The following ZSCAN5A variants were observed in gnomAD, a reference collection of about 807,000 sequenced individuals.
ZSCAN5A encodes the protein zinc finger and SCAN domain containing 5A, also known as zinc finger and SCAN domain-containing protein 5A.
Under a neutral mutation model 23.7 loss-of-function variants are expected in ZSCAN5A, and 12 were observed. The observed-to-expected ratio is 0.51, with a 90% CI of 0.32 to 0.82. The LOEUF (loss-of-function observed/expected upper bound fraction) is 0.82, where lower values mean the gene tolerates loss of function less well. Among genes scored for constraint, ZSCAN5A ranks in the 40% least tolerant of loss-of-function variants. The probability of loss-of-function intolerance (pLI) is 0.03; values close to 1 mark genes in which losing one functional copy is unlikely to be tolerated. For synonymous variants in ZSCAN5A, 257 were observed against 239.9 expected, an observed-to-expected ratio of 1.07 and a Z score of -0.66; for missense variants, 597 against 617.9, an observed-to-expected ratio of 0.97 and a Z score of 0.36.
chr19:56,351,823 T>A lies in ZSCAN5A; in HGVS notation c.-358+11412A>T, dbSNP rs77819594. ...GCTAAGATTGCACAGGTGCAGCGAA[T>A]ACGAACCTGGGAAGACTGTGGTGTT... On this transcript the variant is annotated intron_variant, in intron 2 of 6. Transcript: ENST00000587340. The surrounding 1 kb of genome is among the most constrained non-coding windows in gnomAD (Gnocchi z 4.8). 6.6e-5 allele frequency among the ~76,000 whole-genome samples: 10 copies of A among 152,306 alleles called. No individual in the cohort carries two copies. In the East Asian group the frequency reaches 1.9e-3, roughly 29 times the overall value.
intron 2 of ZSCAN5A, among the ~76,000 whole-genome samples, chr19:56,241,363 C>T (rs986956450): frequency 1.3e-5 from 2 of 152,160 alleles, no homozygotes; most frequent in African/African-American, 2.4e-5. Context: ...CAGCAGCAGG[C>T]GCCCTTGCAG....
At chr19:56,235,017 C>T (rs1040642410) in intron 2 of ZSCAN5A, among the ~76,000 whole-genome samples, 1 of 152,258 alleles carries the variant, frequency 6.6e-6, no homozygotes, top group Non-Finnish European at 1.5e-5. Flanking sequence ...CACATCCTCA[C>T]TCCTGTGATA....
chr19:56,268,859 C>T (rs573471892), intron 2 of ZSCAN5A, among the ~76,000 whole-genome samples: 58 of 152,286 alleles, frequency 3.8e-4, no homozygotes, highest in Non-Finnish European at 6.5e-4. Context: ...CTGGATATTA[C>T]GTATCAATGG....
intron 2 of ZSCAN5A, among the ~76,000 whole-genome samples, chr19:56,345,568 G>A (rs1474449972): frequency 6.6e-6 from 1 of 152,144 alleles, no homozygotes; most frequent in Non-Finnish European, 1.5e-5. Context: ...AGAGTCTGGT[G>A]TGCTAGAAGG....
chr19:56,301,675 T>A (rs956503254), intron 2 of ZSCAN5A, among the ~76,000 whole-genome samples: 2 of 152,134 alleles, frequency 1.3e-5, no homozygotes, highest in African/African-American at 4.8e-5. Flanking sequence ...TCACTCTGGT[T>A]CAAACCCCTC....
intron 1 of ZSCAN5A, among the ~76,000 whole-genome samples, chr19:56,314,055 G>A (rs940436532): frequency 2.0e-5 from 3 of 152,188 alleles, no homozygotes; most frequent in Non-Finnish European, 4.4e-5. Flanking sequence ...GGTGAGGTGA[G>A]GGAAGATCCT....
At position 56,326,773 on chromosome 19, in the gene ZSCAN5A, A is replaced by G. The variant is rs553916629; in HGVS notation, c.-357-10505T>C. Among the ~76,000 whole-genome samples the G allele has an allele frequency of 2.9e-3, 442 of 152,206 alleles. 5 individuals carry two copies. Among genetic ancestry groups the G allele is most frequent in the Non-Finnish European group, 5.1e-3 (345 of 68,010 alleles). On this transcript the variant is annotated intron_variant, in intron 2 of 6. Coordinates refer to the ZSCAN5A transcript ENST00000587340. ...AGTCTCCTCTGCTTTGATTTCCATC[A>G]TGGGCCCTAATATGCAACATATTGA... is the stretch of plus-strand genomic sequence containing the variant.
intron 2 of ZSCAN5A, among the ~76,000 whole-genome samples, chr19:56,277,838 T>C (rs185981745): frequency 1.2e-4 from 19 of 152,270 alleles, no homozygotes; most frequent in African/African-American, 4.6e-4. Context: ...ACTAAAATCC[T>C]AGACTTCACC....
At position 56,225,130 on chromosome 19, in the gene ZSCAN5A, C is replaced by A; in HGVS notation, c.-84G>T. 2 of 1,500,752 alleles carry A rather than the reference C, an allele frequency of 1.3e-6. No individual in the cohort carries two copies. Among genetic ancestry groups the A allele is most frequent in the Non-Finnish European group, 1.8e-6 (2 of 1,133,900 alleles). The allele number at this position is 1,500,752 out of a possible 1,614,324, so 93.0% of individuals were successfully genotyped here. ...AATTGATACCTATCTACACAGGCTT[C>A]CTCTGGTTTTCCTCAGTAATAGATT... On this transcript the variant is annotated 5_prime_UTR_variant, in exon 3 of 6. Transcript: ENST00000683990.
At chr19:56,310,238 GC>G (rs1363355817) in intron 2 of ZSCAN5A, 5 of 152,306 alleles carry the variant, frequency 3.3e-5, no homozygotes, top group African/African-American at 9.6e-5. Flanking sequence ...CCCCTGGACT[GC>G]CTGTGTGGAG....
intron 2 of ZSCAN5A, among the ~76,000 whole-genome samples, chr19:56,291,495 C>G (rs577441623): frequency 1.7e-4 from 26 of 152,284 alleles, no homozygotes; most frequent in Admixed American, 1.4e-3. Context: ...TTGAGAACCA[C>G]AGGGTGGGAG....
chr19:56,322,763 A>G (rs527978126), intron 2 of ZSCAN5A, among the ~76,000 whole-genome samples: 14 of 152,236 alleles, frequency 9.2e-5, no homozygotes, highest in African/African-American at 3.1e-4. Flanking sequence ...TTTGCATATA[A>G]CCTAGCACTT....
intron 2 of ZSCAN5A, among the ~76,000 whole-genome samples, chr19:56,259,398 C>T (rs1001666108): frequency 6.6e-6 from 1 of 152,072 alleles, no homozygotes; most frequent in Non-Finnish European, 1.5e-5. Context: ...CTCTTCTTAC[C>T]TGGACCCTCG....
At chr19:56,366,772 C>G (rs548778324) in intron 1 of ZSCAN5A, among the ~76,000 whole-genome samples, 1 of 152,310 alleles carries the variant, frequency 6.6e-6, no homozygotes, top group Non-Finnish European at 1.5e-5. Flanking sequence ...TCTGCTTAAA[C>G]TCTTTAAAAT....
chr19:56,249,788 G>A (rs556275662), intron 2 of ZSCAN5A, among the ~76,000 whole-genome samples: 1 of 152,098 alleles, frequency 6.6e-6, no homozygotes, highest in East Asian at 1.9e-4. Flanking sequence ...CATCCAAGGC[G>A]CCACATTGCC....
intron 2 of ZSCAN5A, among the ~76,000 whole-genome samples, chr19:56,322,892 CTTT>C (rs397859568): frequency 1.4e-4 from 18 of 126,796 alleles, no homozygotes; most frequent in African/African-American, 3.5e-4. Flanking sequence ...TTATTGGTTT[CTTT>C]TTTTTTTTTT....
At chr19:56,241,196 T>C (rs1177837868) in intron 2 of ZSCAN5A, among the ~76,000 whole-genome samples, 2 of 152,238 alleles carry the variant, frequency 1.3e-5, no homozygotes, top group African/African-American at 2.4e-5. Context: ...TTTTTTCCCA[T>C]GTTCCATTGC....
At chr19:56,297,071 A>G (rs1290599328) in intron 2 of ZSCAN5A, among the ~76,000 whole-genome samples, 1 of 150,824 alleles carries the variant, frequency 6.6e-6, no homozygotes, top group African/African-American at 2.4e-5. Flanking sequence ...CTCTGTCTCA[A>G]AAAAAAAAAG....
chr19:56,364,378 ATATTACTTTTGC>A (rs1465962328), intron 1 of ZSCAN5A, among the ~76,000 whole-genome samples: 1 of 152,202 alleles, frequency 6.6e-6, no homozygotes, highest in Non-Finnish European at 1.5e-5. Flanking sequence ...CTGTCTATTG[ATATTACTTTTGC>A]TTCACTAAGA....
Sources: allele counts gnomAD v4.1 joint callset (sites outside exome capture counted in the v4.1 genomes callset), GRCh38; gene constraint gnomAD v4.1.1; non-coding constraint Gnocchi (gnomAD v3.1); transcripts MANE v1.5; gene names NCBI Gene and HGNC (gene_info 2026-07-23, HGNC 2026-07-21).